CACNA1E: variants seen among roughly 807,000 people sequenced by gnomAD.
The protein encoded by CACNA1E is voltage-dependent R-type calcium channel subunit alpha-1E.
A neutral mutation model predicts 259.2 loss-of-function variants in CACNA1E; 40 were observed. The ratio of observed to expected loss-of-function variants is 0.15; its 90% CI spans 0.12 to 0.20. CACNA1E has a LOEUF of 0.20. CACNA1E is among the 10% of genes least tolerant of loss of function. The pLI, the probability that CACNA1E is intolerant of heterozygous loss-of-function variation, is 1.00. For missense variants in CACNA1E, 1,874 were observed against 3,040.1 expected, an observed-to-expected ratio of 0.62 and a Z score of 9.02; for synonymous variants, 1,104 against 1,138.5, an observed-to-expected ratio of 0.97 and a Z score of 0.61.
intron 16 of CACNA1E, among the ~76,000 whole-genome samples, chr1:181,724,206 G>A (rs1654675646): frequency 6.6e-6 from 1 of 152,066 alleles, no homozygotes; most frequent in Non-Finnish European, 1.5e-5. Flanking sequence ...ACCCCATCTG[G>A]CCCCCAGATG....
At chr1:181,341,543 C>A (rs1044213129) in intron 1 of CACNA1E, among the ~76,000 whole-genome samples, 19 of 152,204 alleles carry the variant, frequency 1.2e-4, no homozygotes, top group African/African-American at 4.6e-4. Flanking sequence ...CTCTGCCTCC[C>A]AGGGAACCTT....
chr1:181,544,727 G>C (rs544323195), intron 3 of CACNA1E, among the ~76,000 whole-genome samples: 1 of 152,152 alleles, frequency 6.6e-6, no homozygotes, highest in Non-Finnish European at 1.5e-5. Context: ...AGTGAGCTGT[G>C]GACATGGTGG....
At chr1:181,709,350 C>T (rs1334415777) in intron 7 of CACNA1E, among the ~76,000 whole-genome samples, 1 of 151,710 alleles carries the variant, frequency 6.6e-6, no homozygotes, top group Non-Finnish European at 1.5e-5. Context: ...GAACCTGAAG[C>T]CAAGCACAGG....
intron 3 of CACNA1E, among the ~76,000 whole-genome samples, chr1:181,563,927 G>A (rs992772477): frequency 6.6e-6 from 1 of 152,198 alleles, no homozygotes; most frequent in Admixed American, 6.5e-5. Flanking sequence ...ATATAGTGTA[G>A]TCTATTAAGT....
chr1:181,784,165 A>T (rs1381286515), intron 40 of CACNA1E, among the ~76,000 whole-genome samples: 1 of 152,116 alleles, frequency 6.6e-6, no homozygotes, highest in African/African-American at 2.4e-5. Context: ...GTAGTGTTTT[A>T]TTCCTCTTGA....
chr1:181,426,933 C>T (rs1440724140), intron 2 of CACNA1E, among the ~76,000 whole-genome samples: 1 of 144,264 alleles, frequency 6.9e-6, no homozygotes, highest in Non-Finnish European at 1.5e-5. Flanking sequence ...CACAGCTCAA[C>T]CGCTGCCCAT....
chr1:181,403,422 T>C (rs1017485761), intron 1 of CACNA1E, among the ~76,000 whole-genome samples: 5 of 151,972 alleles, frequency 3.3e-5, no homozygotes, highest in Admixed American at 1.3e-4. Context: ...CCAATTGCAC[T>C]GTTCACTTCC....
intron 1 of CACNA1E, among the ~76,000 whole-genome samples, chr1:181,334,824 CT>C (rs1203512656): frequency 6.6e-6 from 1 of 152,196 alleles, no homozygotes; most frequent in Non-Finnish European, 1.5e-5. Flanking sequence ...TCTCACTCCT[CT>C]GCCTGAAACC....
intron 1 of CACNA1E, among the ~76,000 whole-genome samples, chr1:181,345,952 T>C (rs1351665746): frequency 6.6e-6 from 1 of 152,110 alleles, no homozygotes; most frequent in East Asian, 1.9e-4. Flanking sequence ...CAGGGTAGTC[T>C]CCTCACAGCT....
rs947070467 is a variant in CACNA1E, at chr1:181,772,222, C to T, written c.5130C>T (p.Cys1710=). The T allele has an allele frequency of 2.5e-6, 4 of 1,613,372 alleles. No individual in the cohort carries two copies. The highest frequency in any genetic ancestry group is 2.5e-6 in the Non-Finnish European group (3 of 1,179,526). ...YVYFVSFIFF[C]SFLMLNLFVA... is the part of the protein sequence containing the mutation. ...ACTTTGTCTCCTTCATCTTCTTCTG[C>T]TCCTTCTTGGTGAGCAACATTGTGC... Residue 1710 remains cysteine, a synonymous_variant, in exon 37 of 48, where the codon TGC becomes TGT. Transcript: ENST00000367573.
intron 6 of CACNA1E, among the ~76,000 whole-genome samples, chr1:181,628,191 G>T (rs1265254992): frequency 6.6e-6 from 1 of 152,258 alleles, no homozygotes; most frequent in South Asian, 2.1e-4. Context: ...GCTGATTCAG[G>T]ACTGATCACT....
intron 38 of CACNA1E, 28 bp from the exon 39 acceptor site, chr1:181,781,399 A>T: frequency 8.2e-7 from 1 of 1,212,302 alleles, no homozygotes; most frequent in Non-Finnish European, 1.2e-6. Context: ...AACCCACCCC[A>T]TCCCAACTCA....
At position 181,757,439 on chromosome 1, in the gene CACNA1E, C is replaced by T. The variant is rs575150155; in HGVS notation, c.4329+313C>T. 3.3e-5 allele frequency among the ~76,000 whole-genome samples: 5 copies of T among 152,330 alleles called. No homozygotes were observed. In the East Asian group the frequency reaches 9.7e-4, roughly 29 times the overall value. Reference sequence around the variant, plus strand: ...TGACTGTGACCTTCCATGCCATGTACTTGCTGTAAGGGCAGGGAATGTGTC... The same window carrying T: ...TGACTGTGACCTTCCATGCCATGTATTTGCTGTAAGGGCAGGGAATGTGTC... On this transcript the variant is annotated intron_variant, in intron 30 of 47. Coordinates refer to ENST00000367573, the MANE Select transcript of CACNA1E (RefSeq NM_001205293.3).
At chr1:181,568,786 G>A (rs567613738) in intron 3 of CACNA1E, among the ~76,000 whole-genome samples, 9 of 152,222 alleles carry the variant, frequency 5.9e-5, no homozygotes, top group East Asian at 1.9e-4. Context: ...ATAGAGATTC[G>A]TAGAGATAGG....
At chr1:181,728,888 C>A in intron 18 of CACNA1E, among the ~76,000 whole-genome samples, 1 of 124,128 alleles carries the variant, frequency 8.1e-6, no homozygotes, top group Non-Finnish European at 1.7e-5. Context: ...GTGTGTGTGC[C>A]CTGCTCAGCT....
At chr1:181,486,876 C>T (rs943375340) in intron 1 of CACNA1E, among the ~76,000 whole-genome samples, 3 of 152,204 alleles carry the variant, frequency 2.0e-5, no homozygotes, top group Admixed American at 1.3e-4. Flanking sequence ...GCTGCATCCA[C>T]ATCACCTGGG....
In CACNA1E at chr1:181,761,876, C is replaced by T. The variant is rs537417373; in HGVS notation, c.4606-698C>T. ...CCAGGCTCTTTATATCTCCTTCAGC[C>T]CACTCATTGTATTACTGCTTCCTTG... On this transcript the variant is annotated intron_variant, in intron 32 of 47. Transcript: ENST00000367573. 6.6e-5 allele frequency among the ~76,000 whole-genome samples: 10 copies of T among 152,268 alleles called. No homozygotes were observed. In the East Asian group the frequency reaches 1.7e-3, roughly 26 times the overall value.
At chr1:181,641,953 C>G (rs1657822936) in intron 6 of CACNA1E, among the ~76,000 whole-genome samples, 1 of 152,006 alleles carries the variant, frequency 6.6e-6, no homozygotes, top group South Asian at 2.1e-4. Flanking sequence ...ACCTTGTGAT[C>G]CGCTTGCCTC....
chr1:181,785,791 T>C lies in CACNA1E; in HGVS notation c.5758T>C (p.Tyr1920His), dbSNP rs1361478342. ...CATTGCTAATGCCAAAGCCCTGCCT[T>C]ACCTCCAGCAGGACCCCGTTTCAGG... ...EIIANAKALP[Y>H]LQQDPVSGLS... Residue 1920 changes from tyrosine (Y) to histidine (H), a missense_variant, in exon 43 of 48, where the codon TAC (tyrosine) becomes CAC (histidine). Physicochemically the swap from Tyr to His is moderately conservative, Grantham distance 83. Coordinates refer to ENST00000367573, the MANE Select transcript of CACNA1E (RefSeq NM_001205293.3). The C allele has an allele frequency of 2.5e-6, 4 of 1,611,114 alleles. No homozygotes were observed. Among genetic ancestry groups the C allele is most frequent in the Non-Finnish European group, 2.5e-6 (3 of 1,179,060 alleles).
Sources: gnomAD v4.1 joint callset for allele counts (sites outside exome capture counted in the v4.1 genomes callset) on GRCh38, gnomAD v4.1.1 for gene constraint, MANE v1.5 for transcripts, NCBI Gene and HGNC (gene_info 2026-07-23, HGNC 2026-07-21) for gene names.